Variants in CHD9 observed in about 807,000 individuals in gnomAD.
CHD9 encodes chromodomain helicase DNA binding protein 9.
Under a neutral mutation model 316.1 loss-of-function variants are expected in CHD9, and 77 were observed. The ratio of observed to expected loss-of-function variants is 0.24; its 90% CI spans 0.20 to 0.29. The LOEUF (loss-of-function observed/expected upper bound fraction) is 0.29, where lower values mean the gene tolerates loss of function less well. Among genes scored for constraint, CHD9 ranks in the 10% least tolerant of loss-of-function variants. The pLI, the probability that CHD9 is intolerant of heterozygous loss-of-function variation, is 1.00. For synonymous variants in CHD9, 1,129 were observed against 1,158.3 expected (o/e 0.97, Z 0.51); for missense variants, 2,763 against 3,438.1 (o/e 0.80, Z 4.91).
intron 10 of CHD9, among the ~76,000 whole-genome samples, chr16:53,232,973 A>G (rs2048311184): frequency 6.6e-6 from 1 of 152,188 alleles, no homozygotes; most frequent in Non-Finnish European, 1.5e-5. Flanking sequence ...CAATCAACAC[A>G]AAAGACTTCT....
chr16:53,247,875 A>G (rs1422785750), intron 16 of CHD9: 2 of 164,648 alleles, frequency 1.2e-5, no homozygotes, highest in East Asian at 3.6e-4. Flanking sequence ...CTTTGGATCT[A>G]TTTCATTGTT....
At position 53,321,543 on chromosome 16, in the gene CHD9, T is replaced by C. The variant is rs1295453045; in HGVS notation, c.7731T>C (p.Ala2577=). The change falls in exon 38 of 39, where the codon GCT becomes GCC. Residue 2577 remains alanine, a synonymous_variant. Coordinates refer to ENST00000447540, the MANE Select transcript of CHD9 (RefSeq NM_001308319.2). ...RNARKVGGAF[A]PPLKDLCRFL... is the part of the protein sequence containing the mutation. ...ATTTACAGGTTGGAGGTGCATTTGC[T>C]CCCCCTTTGAAAGATTTATGTAGAT... 2.6e-6 allele frequency: 4 copies of C among 1,544,914 alleles called. No individual in the cohort carries two copies. The highest frequency in any genetic ancestry group is 2.7e-5 in the African/African-American group (2 of 74,002).
chr16:53,324,125 A>G lies in CHD9; in HGVS notation c.7924A>G (p.Thr2642Ala), dbSNP rs544829561. ...GCCTAAAAGTGGAATTGCAAAGGCC[A>G]CAGCAGCAGCAGCTGCTGCATCTGC... ...RRPKSGIAKA[T>A]AAAAAASATS... The change falls in exon 39 of 39, where the codon ACA (threonine) becomes GCA (alanine). Residue 2642 changes from threonine (T) to alanine (A), a missense_variant. By Grantham distance (58) the Thr-to-Ala change is moderately conservative (BLOSUM62 0). This residue lies in a region of CHD9 where 298 missense variants were observed against 380.2 expected (regional missense o/e 0.78). Coordinates refer to ENST00000447540, the MANE Select transcript of CHD9 (RefSeq NM_001308319.2). 1 of 1,613,922 alleles carries G rather than the reference A, an allele frequency of 6.2e-7. No individual in the cohort carries two copies.
At chr16:53,321,992 TTC>T (rs993153619) in intron 38 of CHD9, among the ~76,000 whole-genome samples, 11 of 144,692 alleles carry the variant, frequency 7.6e-5, no homozygotes, top group African/African-American at 2.6e-4. Context: ...TTTTTTCTTT[TTC>T]TTTTTCTTTT....
rs1265704902 is a variant in CHD9, at chr16:53,075,275, C to T, written c.-165+20198C>T. Among the ~76,000 whole-genome samples the T allele has an allele frequency of 5.3e-5, 8 of 152,134 alleles. No individual in the cohort carries two copies. In the South Asian group the frequency reaches 1.5e-3, roughly 28 times the overall value. On this transcript the variant is annotated intron_variant, in intron 1 of 38. Transcript: ENST00000447540. ...AGTAACTAGCTTGCTTTTGATTTTA[C>T]AGGCTCATAGACAGAAGGGACCTGC...
intron 1 of CHD9, among the ~76,000 whole-genome samples, chr16:53,130,158 G>A (rs190760721): frequency 2.0e-5 from 3 of 152,318 alleles, no homozygotes; most frequent in Admixed American, 1.3e-4. Context: ...CTAGCTCGCG[G>A]CGTGGAGCTG....
intron 1 of CHD9, among the ~76,000 whole-genome samples, chr16:53,117,569 C>G (rs1390826478): frequency 6.6e-6 from 1 of 152,022 alleles, no homozygotes. Context: ...CACCCACCAC[C>G]ATACCCAGCT....
intron 2 of CHD9, among the ~76,000 whole-genome samples, chr16:53,202,797 C>T (rs116637944): frequency 2.0e-5 from 3 of 152,066 alleles, no homozygotes; most frequent in African/African-American, 7.2e-5. Context: ...TCATGGTTAT[C>T]TAAAATTGTA....
chr16:53,145,545 A>G (rs1403692138), intron 1 of CHD9, among the ~76,000 whole-genome samples: 3 of 151,882 alleles, frequency 2.0e-5, no homozygotes, highest in East Asian at 4.0e-4. Context: ...TGTCTCTACT[A>G]AAAATACAAA....
At chr16:53,069,443 C>T (rs1375310011) in intron 1 of CHD9, among the ~76,000 whole-genome samples, 4 of 152,224 alleles carry the variant, frequency 2.6e-5, no homozygotes, top group Non-Finnish European at 5.9e-5. Flanking sequence ...CCCTTAACCC[C>T]ATCCCTGGCA....
intron 1 of CHD9, among the ~76,000 whole-genome samples, chr16:53,154,427 T>C (rs2041358147): frequency 6.6e-6 from 1 of 152,176 alleles, no homozygotes; most frequent in Non-Finnish European, 1.5e-5. Context: ...GTTGATTCTT[T>C]AGTTTTTATA....
At chr16:53,306,450 T>C (rs1420787495) in intron 32 of CHD9, 53 bp downstream of exon 32, 11 of 1,387,244 alleles carry the variant, frequency 7.9e-6, no homozygotes, top group Non-Finnish European at 1.1e-5. Context: ...TTTTTCTATA[T>C]TGCTTCAATG....
At chr16:53,266,145 A>G (rs568802975) in intron 20 of CHD9, among the ~76,000 whole-genome samples, 2 of 152,022 alleles carry the variant, frequency 1.3e-5, no homozygotes, top group Non-Finnish European at 2.9e-5. Flanking sequence ...GAATTCTAAA[A>G]TTAGTGGGTA....
intron 1 of CHD9, among the ~76,000 whole-genome samples, chr16:53,103,120 T>C (rs1481200144): frequency 6.7e-5 from 10 of 148,952 alleles, no homozygotes; most frequent in Admixed American, 2.0e-4. Flanking sequence ...GCTGGGATTA[T>C]AGGCATGAGC....
rs559520698 is a variant in CHD9 at position 53,208,068 on chromosome 16, T to G, written c.1453-1414T>G. The G allele has an allele frequency of 3.0e-6, 3 of 1,001,084 alleles. No individual in the cohort carries two copies. The South Asian group carries it at 1.2e-4, about 39-fold the overall frequency. The allele number at this position is 1,001,084 out of a possible 1,614,324, so 62.0% of individuals were successfully genotyped here. A position where few individuals can be genotyped will look rare whatever the true frequency, so the allele number is the denominator to read the frequency against. ...TGGAATCTGGCTATCTGCTTACAGC[T>G]ATTGAGGAAACTCAGCTTTTTAGGA... is the stretch of plus-strand genomic sequence containing the variant. On this transcript the variant is annotated intron_variant, in intron 2 of 38. Coordinates refer to ENST00000447540, the MANE Select transcript of CHD9 (RefSeq NM_001308319.2).
intron 10 of CHD9, among the ~76,000 whole-genome samples, chr16:53,232,841 G>A (rs1161273173): frequency 6.6e-6 from 1 of 152,170 alleles, no homozygotes; most frequent in African/African-American, 2.4e-5. Context: ...TCAATAACCA[G>A]TCCTGTTCTC....
At chr16:53,198,380 G>A (rs575737919) in intron 2 of CHD9, among the ~76,000 whole-genome samples, 148 of 148,330 alleles carry the variant, frequency 1.0e-3, no homozygotes, top group Non-Finnish European at 1.7e-3. Flanking sequence ...GTACAGTGGC[G>A]TAGTGGTGCG....
intron 5 of CHD9, chr16:53,227,183 A>G (rs2047730676): frequency 2.6e-6 from 1 of 382,048 alleles, no homozygotes; most frequent in East Asian, 5.9e-5. Flanking sequence ...AAAAAGCACA[A>G]TATGTTTGCT....
intron 2 of CHD9, among the ~76,000 whole-genome samples, chr16:53,193,686 T>C (rs1343517866): frequency 2.6e-5 from 4 of 152,192 alleles, no homozygotes; most frequent in African/African-American, 9.7e-5. Flanking sequence ...TAAGGAACAT[T>C]AATCTTAATC....
Sources: gnomAD v4.1 joint callset for allele counts (sites outside exome capture counted in the v4.1 genomes callset) on GRCh38, gnomAD v4.1.1 for gene constraint, gnomAD v4.1.1 regional missense constraint, MANE v1.5 for transcripts, NCBI Gene and HGNC (gene_info 2026-07-23, HGNC 2026-07-21) for gene names.